Variants in TRIM44 observed in about 807,000 individuals in gnomAD.
TRIM44 encodes tripartite motif containing 44, also known as tripartite motif-containing protein 44.
In TRIM44, 13 loss-of-function variants were observed where a neutral mutation model predicts 37.4. That is an observed-to-expected ratio of 0.35 (90% CI 0.23 to 0.55). The LOEUF is 0.55. TRIM44 is among the 20% of genes least tolerant of loss of function. TRIM44 has a pLI of 0.89. For missense variants in TRIM44, 426 were observed against 437.2 expected (o/e 0.97, Z 0.23); for synonymous variants, 175 against 157.2 (o/e 1.11, Z -0.85).
chr11:35,757,939 T>A (rs1175450245), intron 4 of TRIM44, among the ~76,000 whole-genome samples: 1 of 152,212 alleles, frequency 6.6e-6, no homozygotes, highest in East Asian at 1.9e-4. Context: ...AATTTTGGAA[T>A]AGGTGTGATG....
chr11:35,792,182 C>T (rs528204720), intron 4 of TRIM44, among the ~76,000 whole-genome samples: 4 of 151,590 alleles, frequency 2.6e-5, no homozygotes, highest in South Asian at 4.2e-4. Flanking sequence ...AAATTATTTA[C>T]GTGTTTGTTG....
chr11:35,765,319 G>C (rs1852782680), intron 4 of TRIM44, among the ~76,000 whole-genome samples: 1 of 152,114 alleles, frequency 6.6e-6, no homozygotes, highest in Admixed American at 6.6e-5. Flanking sequence ...TGAAATTCCT[G>C]AACAAAGAAT....
chr11:35,765,386 C>G (rs1195858928), intron 4 of TRIM44, among the ~76,000 whole-genome samples: 1 of 152,140 alleles, frequency 6.6e-6, no homozygotes, highest in African/African-American at 2.4e-5. Flanking sequence ...CTATGGGAAG[C>G]AGAGTAAAAT....
At chr11:35,715,372 A>G (rs1475604854) in intron 2 of TRIM44, among the ~76,000 whole-genome samples, 2 of 151,588 alleles carry the variant, frequency 1.3e-5, no homozygotes, top group Non-Finnish European at 2.9e-5. Flanking sequence ...TCTAGGAAAC[A>G]TGGTCCTGAG....
chr11:35,776,944 G>A lies in TRIM44; in HGVS notation c.1008-29414G>A, dbSNP rs565106298. On this transcript the variant is annotated intron_variant, in intron 4 of 4. Coordinates refer to ENST00000299413, the MANE Select transcript of TRIM44 (RefSeq NM_017583.6). ...AATGTATATTCTGTTGATTTGGGGT[G>A]GAGAGTTCTGTAGATATCTATTAGG... Among the ~76,000 whole-genome samples, 740 of 152,240 alleles carry A rather than the reference G, an allele frequency of 4.9e-3. 47 individuals carry two copies. In the East Asian group the frequency reaches 0.12, roughly 25 times the overall value.
chr11:35,751,963 G>C (rs560340805), intron 4 of TRIM44, among the ~76,000 whole-genome samples: 1 of 152,298 alleles, frequency 6.6e-6, no homozygotes, highest in South Asian at 2.1e-4. Flanking sequence ...GCTAAAATTA[G>C]AAGTGGCAAG....
At chr11:35,785,781 A>G (rs1007902749) in intron 4 of TRIM44, among the ~76,000 whole-genome samples, 8 of 152,174 alleles carry the variant, frequency 5.3e-5, no homozygotes, top group African/African-American at 1.9e-4. Flanking sequence ...GCATCAATTC[A>G]TCCTACACAT....
intron 4 of TRIM44, among the ~76,000 whole-genome samples, chr11:35,782,299 A>G (rs2133872625): frequency 6.6e-6 from 1 of 152,304 alleles, no homozygotes; most frequent in East Asian, 1.9e-4. Context: ...AGTTGGATCC[A>G]AGGGAATGAA....
chr11:35,744,202 A>G (rs1706829726), intron 4 of TRIM44, among the ~76,000 whole-genome samples: 2 of 152,344 alleles, frequency 1.3e-5, no homozygotes, highest in South Asian at 4.1e-4. Flanking sequence ...AGCCAGATAA[A>G]ATACAGAACA....
intron 2 of TRIM44, among the ~76,000 whole-genome samples, chr11:35,701,228 A>G (rs1488670165): frequency 6.6e-6 from 1 of 152,150 alleles, no homozygotes; most frequent in African/African-American, 2.4e-5. Flanking sequence ...TCCATTTCCA[A>G]TTCCTGGGGT....
chr11:35,802,954 G>A (rs1375483770), intron 4 of TRIM44, among the ~76,000 whole-genome samples: 1 of 152,190 alleles, frequency 6.6e-6, no homozygotes, highest in Non-Finnish European at 1.5e-5. Flanking sequence ...AACATTTGAG[G>A]GAAAGGCAGG....
Position 35,809,059 on chromosome 11 carries a change from A to G in TRIM44, c.*2674A>G, listed in dbSNP as rs898627027. Reference sequence around the variant, plus strand: ...ATAGCAATTTCTGGCTATCTTTCAAATGTTGAATTTCTGGATGCTGAGAGG... The same window carrying G: ...ATAGCAATTTCTGGCTATCTTTCAAGTGTTGAATTTCTGGATGCTGAGAGG... On this transcript the variant is annotated 3_prime_UTR_variant, in exon 5 of 5. Coordinates refer to ENST00000299413, the MANE Select transcript of TRIM44 (RefSeq NM_017583.6). 1 of 152,214 alleles carries G rather than the reference A, an allele frequency of 6.6e-6. No individual in the cohort carries two copies. Among genetic ancestry groups the G allele is most frequent in the African/African-American group, 2.4e-5 (1 of 41,444 alleles). The allele number at this position is 152,214 out of a possible 1,614,324, so 9.4% of individuals were successfully genotyped here.
chr11:35,763,876 G>T (rs1026529965), intron 4 of TRIM44, among the ~76,000 whole-genome samples: 1 of 152,170 alleles, frequency 6.6e-6, no homozygotes, highest in East Asian at 1.9e-4. Context: ...CCTGGAGGTC[G>T]TGGAACTAAT....
chr11:35,670,188 A>C (rs1404468437), intron 1 of TRIM44, among the ~76,000 whole-genome samples: 2 of 152,098 alleles, frequency 1.3e-5, no homozygotes, highest in African/African-American at 4.8e-5. Context: ...TGCTTCCCTC[A>C]CACCTCACTT....
intron 4 of TRIM44, among the ~76,000 whole-genome samples, chr11:35,802,249 G>A (rs1455657072): frequency 6.6e-6 from 1 of 152,154 alleles, no homozygotes; most frequent in African/African-American, 2.4e-5. Context: ...TCGATGGATA[G>A]ATAGATAAAA....
Position 35,662,879 on chromosome 11 carries a change from C to A in TRIM44, c.-233C>A. 1.7e-6 allele frequency: 1 copy of A among 578,506 alleles called. No individual in the cohort carries two copies. The highest frequency in any genetic ancestry group is 2.5e-6 in the Non-Finnish European group (1 of 402,622). 35.8% of individuals were successfully genotyped at this position (578,506 alleles called of 1,614,324 possible). On this transcript the variant is annotated 5_prime_UTR_variant, in exon 1 of 5. Coordinates refer to ENST00000299413, the MANE Select transcript of TRIM44 (RefSeq NM_017583.6). ...GCCGCGCCGGAAGTGCCTTGCGCGG[C>A]AGAGGAAGCGCAGGGACAGAGCGGA...
At chr11:35,668,265 G>A (rs1235180812) in intron 1 of TRIM44, among the ~76,000 whole-genome samples, 1 of 152,100 alleles carries the variant, frequency 6.6e-6, no homozygotes, top group Non-Finnish European at 1.5e-5. Context: ...TTGTTACATA[G>A]GTAAACATGT....
rs1853580937 is a variant in TRIM44, at chr11:35,816,430, C to T, written c.*10045C>T. The T allele has an allele frequency of 1.3e-5, 2 of 152,202 alleles. No homozygotes were observed. The highest frequency in any genetic ancestry group is 2.4e-5 in the African/African-American group (1 of 41,446). 9.4% of individuals were successfully genotyped at this position (152,202 alleles called of 1,614,324 possible). ...GAAAAACAATCTCCACTCATAAAAA[C>T]ACTTTTCTGCCTTCTACAGTATAAA... is the stretch of plus-strand genomic sequence containing the variant. On this transcript the variant is annotated 3_prime_UTR_variant, in exon 5 of 5. Coordinates refer to ENST00000299413, the MANE Select transcript of TRIM44 (RefSeq NM_017583.6).
intron 2 of TRIM44, among the ~76,000 whole-genome samples, chr11:35,692,050 G>A (rs931429042): frequency 2.6e-5 from 4 of 152,128 alleles, no homozygotes; most frequent in Non-Finnish European, 4.4e-5. Context: ...TAGAAAAACC[G>A]TAAGTCAAAC....
Sources: allele counts gnomAD v4.1 joint callset (sites outside exome capture counted in the v4.1 genomes callset), GRCh38; gene constraint gnomAD v4.1.1; transcripts MANE v1.5; gene names NCBI Gene and HGNC (gene_info 2026-07-23, HGNC 2026-07-21).